Variants in ZNF385D observed in about 807,000 individuals in gnomAD.
ZNF385D encodes zinc finger protein 659.
Under a neutral mutation model 35.8 loss-of-function variants are expected in ZNF385D, and 15 were observed. The observed-to-expected ratio is 0.42, with a 90% CI of 0.28 to 0.64. ZNF385D has a LOEUF of 0.64. Among genes scored for constraint, ZNF385D ranks in the 30% least tolerant of loss-of-function variants. ZNF385D has a pLI of 0.23. For synonymous variants in ZNF385D, 212 were observed against 186.8 expected (o/e 1.13, Z -1.10); for missense variants, 474 against 494.6 (o/e 0.96, Z 0.39).
chr3:21,657,686 G>A (rs1054991936), intron 2 of ZNF385D, among the ~76,000 whole-genome samples: 2 of 145,004 alleles, frequency 1.4e-5, no homozygotes, highest in Non-Finnish European at 3.0e-5. Flanking sequence ...TTCTGTCTAA[G>A]AAAGACAGGC....
intron 3 of ZNF385D, among the ~76,000 whole-genome samples, chr3:22,011,497 T>G (rs1228662408): frequency 6.6e-6 from 1 of 152,090 alleles, no homozygotes; most frequent in East Asian, 1.9e-4. Flanking sequence ...ATCATGATAT[T>G]TAATGGACAC....
chr3:21,796,791 G>C (rs2072172623), intron 3 of ZNF385D, among the ~76,000 whole-genome samples: 1 of 152,208 alleles, frequency 6.6e-6, no homozygotes, highest in Non-Finnish European at 1.5e-5. Flanking sequence ...GCCAGAGCTA[G>C]ATTTGAACCC....
chr3:22,067,382 G>C (rs1301067812), intron 3 of ZNF385D, among the ~76,000 whole-genome samples: 1 of 152,072 alleles, frequency 6.6e-6, no homozygotes, highest in East Asian at 1.9e-4. Context: ...TCATTTTATA[G>C]GTCACATAAT....
chr3:22,299,465 A>T lies in ZNF385D; in HGVS notation c.106+72985T>A, dbSNP rs67037981. Among the ~76,000 whole-genome samples the T allele has an allele frequency of 9.7e-3, 1,474 of 151,486 alleles. 24 individuals carry two copies. Among genetic ancestry groups the T allele is most frequent in the African/African-American group, 0.034 (1,416 of 41,416 alleles). Reference sequence around the variant, plus strand: ...TAACTATAAAACAAATCATAATTTGAAAAAAAGAAAACAAAAGTAAAACAT... The same window carrying T: ...TAACTATAAAACAAATCATAATTTGTAAAAAAGAAAACAAAAGTAAAACAT... On this transcript the variant is annotated intron_variant, in intron 2 of 5. Transcript: ENST00000494108.
intron 3 of ZNF385D, among the ~76,000 whole-genome samples, chr3:21,932,965 C>T (rs1444749599): frequency 6.6e-6 from 1 of 152,120 alleles, no homozygotes; most frequent in African/African-American, 2.4e-5. Context: ...AAAGCTAGAG[C>T]AGGTGTATGG....
At chr3:21,730,453 GA>G (rs750012993) in intron 1 of ZNF385D, among the ~76,000 whole-genome samples, 15 of 151,468 alleles carry the variant, frequency 9.9e-5, no homozygotes, top group South Asian at 6.2e-4. Flanking sequence ...CCAAACAACT[GA>G]AAAAAAATGG....
intron 3 of ZNF385D, among the ~76,000 whole-genome samples, chr3:21,776,868 T>C (rs2071309907): frequency 6.6e-6 from 1 of 151,978 alleles, no homozygotes; most frequent in Non-Finnish European, 1.5e-5. Flanking sequence ...CTTTTTCTCC[T>C]GTCCAAAGAC....
chr3:21,574,039 A>G (rs2125684559), intron 2 of ZNF385D, among the ~76,000 whole-genome samples: 1 of 141,888 alleles, frequency 7.0e-6, no homozygotes, highest in Non-Finnish European at 1.5e-5. Flanking sequence ...TAGCCTGCAC[A>G]ACAAGAGTGA....
At chr3:21,789,882 G>T (rs3849549) in intron 3 of ZNF385D, among the ~76,000 whole-genome samples, 2 of 152,112 alleles carry the variant, frequency 1.3e-5, no homozygotes, top group Admixed American at 6.6e-5. Flanking sequence ...CTTTCAACTT[G>T]TCACTGTTGT....
At chr3:21,927,614 A>G (rs1700794457) in intron 3 of ZNF385D, among the ~76,000 whole-genome samples, 1 of 152,226 alleles carries the variant, frequency 6.6e-6, no homozygotes, top group South Asian at 2.1e-4. Flanking sequence ...ATTTAAAAAC[A>G]CAAATATGTT....
chr3:21,677,788 T>C (rs2066775560), intron 1 of ZNF385D, among the ~76,000 whole-genome samples: 1 of 151,996 alleles, frequency 6.6e-6, no homozygotes, highest in Non-Finnish European at 1.5e-5. Context: ...TCATAGCAAT[T>C]CTGTTAGTCC....
chr3:21,884,631 C>T (rs552014909), intron 3 of ZNF385D, among the ~76,000 whole-genome samples: 1 of 152,120 alleles, frequency 6.6e-6, no homozygotes, highest in South Asian at 2.1e-4. Flanking sequence ...CAGAACTCAA[C>T]GGTTCTTATT....
rs1399763939 is a variant in ZNF385D, at chr3:22,171,871, G to A, written c.107-2836C>T. On this transcript the variant is annotated intron_variant, in intron 2 of 5. Coordinates refer to the ZNF385D transcript ENST00000494108. Reference sequence around the variant, plus strand: ...CAGCCTGGGCAACAGAGCAAGACTCGGTCTCAAAAAAAAAAAAAAAAAAAA... The same window carrying A: ...CAGCCTGGGCAACAGAGCAAGACTCAGTCTCAAAAAAAAAAAAAAAAAAAA... 2.3e-4 allele frequency among the ~76,000 whole-genome samples: 25 copies of A among 109,380 alleles called. 1 individual carries two copies. In the South Asian group the frequency reaches 6.9e-3, roughly 30 times the overall value. 71.8% of individuals were successfully genotyped at this position (109,380 alleles called of 152,430 possible). A position where few individuals can be genotyped will look rare whatever the true frequency, so the allele number is the denominator to read the frequency against.
rs562609939 is a variant in ZNF385D, at chr3:22,224,729, C to T, written c.107-55694G>A. The stretch of plus-strand genomic sequence containing the variant: ...CTATTAAAGTGATCCCATCACTACT[C>T]ACTGATAATGAACCTTGGGACACCA... On this transcript the variant is annotated intron_variant, in intron 2 of 5. Transcript: ENST00000494108. Among the ~76,000 whole-genome samples the T allele has an allele frequency of 9.8e-5, 15 of 152,290 alleles. No individual in the cohort carries two copies. The Middle Eastern group carries it at 0.01, about 104-fold the overall frequency.
chr3:22,188,736 C>T (rs1695815914), intron 2 of ZNF385D, among the ~76,000 whole-genome samples: 2 of 152,186 alleles, frequency 1.3e-5, no homozygotes, highest in Admixed American at 1.3e-4. Context: ...AGGCATGAGC[C>T]ACCGCGCCCA....
Position 21,485,697 on chromosome 3 carries a change from T to C in ZNF385D, c.439+25164A>G, listed in dbSNP as rs539545208. On this transcript the variant is annotated intron_variant, in intron 4 of 7. Coordinates refer to ENST00000281523, the MANE Select transcript of ZNF385D (RefSeq NM_024697.3). ...TAATAATAATGATCATAATAAATAG[T>C]AACAGTAACTTTCTATCATTTCAGA... is the stretch of plus-strand genomic sequence containing the variant. Among the ~76,000 whole-genome samples, 3 of 152,058 alleles carry C rather than the reference T, an allele frequency of 2.0e-5. No homozygotes were observed. In the South Asian group the frequency reaches 6.2e-4, roughly 32 times the overall value.
chr3:21,684,365 CCTCTCTCTCTCTCTCTCTCT>C (rs373105142), intron 1 of ZNF385D, among the ~76,000 whole-genome samples: 46 of 73,382 alleles, frequency 6.3e-4, no homozygotes, highest in Admixed American at 9.4e-4. Context: ...TAACTGTTCT[CCTCTCTCTCTCTCTCTCTCT>C]CTCTCTCTCT....
intron 2 of ZNF385D, among the ~76,000 whole-genome samples, chr3:22,320,898 A>G (rs952901702): frequency 6.6e-6 from 1 of 151,922 alleles, no homozygotes; most frequent in Non-Finnish European, 1.5e-5. Context: ...TACATTTTAA[A>G]TATACTTTTT....
chr3:21,949,699 C>T (rs1701970889), intron 3 of ZNF385D, among the ~76,000 whole-genome samples: 1 of 151,906 alleles, frequency 6.6e-6, no homozygotes, highest in African/African-American at 2.4e-5. Flanking sequence ...AATGCTATCC[C>T]TCCCCTAGTC....
Sources: allele counts gnomAD v4.1 joint callset (sites outside exome capture counted in the v4.1 genomes callset), GRCh38; gene constraint gnomAD v4.1.1; transcripts MANE v1.5; gene names NCBI Gene and HGNC (gene_info 2026-07-23, HGNC 2026-07-21).